Variants in FUT2 observed in about 807,000 individuals in gnomAD.
FUT2 encodes fucosyltransferase 2 (H blood group), also known as galactoside alpha-(1,2)-fucosyltransferase 2.
For synonymous variants in FUT2, 182 were observed against 193.1 expected (o/e 0.94, Z 0.48); for missense variants, 419 against 465.8 (o/e 0.90, Z 0.93).
chr19:48,704,129 C>A lies in FUT2; in HGVS notation c.*141C>A. 1 of 869,884 alleles carries A rather than the reference C, an allele frequency of 1.1e-6. No homozygotes were observed. The highest frequency in any genetic ancestry group is 2.6e-5 in the East Asian group (1 of 38,660). The allele number at this position is 869,884 out of a possible 1,614,324, so 53.9% of individuals were successfully genotyped here. ...GTTGGGCTGCAAGTAACAGAAATCT[C>A]AGTGAACAGTGGCCTGGCGTGGTGG... is the stretch of plus-strand genomic sequence containing the variant. On this transcript the variant is annotated 3_prime_UTR_variant, in exon 2 of 2. Coordinates refer to ENST00000425340, the MANE Select transcript of FUT2 (RefSeq NM_000511.6).
In FUT2 at chr19:48,703,440, C is replaced by G. The variant is rs1272435860; in HGVS notation, c.484C>G (p.Gln162Glu). The G allele has an allele frequency of 3.1e-6, 5 of 1,612,800 alleles. No individual in the cohort carries two copies. In the African/African-American group the frequency reaches 6.7e-5, roughly 22 times the overall value. The part of the protein sequence containing the change: ...CSWTFYHHLR[Q>E]EILQEFTLHD... Reference sequence around the variant, plus strand: ...CTGGACCTTCTACCACCACCTCCGCCAGGAGATCCTCCAGGAGTTCACCCT... The same window carrying G: ...CTGGACCTTCTACCACCACCTCCGCGAGGAGATCCTCCAGGAGTTCACCCT... Residue 162 changes from glutamine (Q) to glutamate (E), a missense_variant, in exon 2 of 2, where the codon CAG (glutamine) becomes GAG (glutamate). Gln to Glu is a conservative substitution (Grantham distance 29). Transcript: ENST00000425340.
chr19:48,699,345 G>A (rs1568460686), intron 1 of FUT2, among the ~76,000 whole-genome samples: 2 of 152,042 alleles, frequency 1.3e-5, no homozygotes, highest in East Asian at 2.0e-4. Context: ...TTACAGGTGC[G>A]CGCCACCATG....
Position 48,704,539 on chromosome 19 carries a change from C to G in FUT2, c.*551C>G, listed in dbSNP as rs2032601354. Reference sequence around the variant, plus strand: ...TCCAGGGTCAGTTAATTTAGCGGCTCCACAAAGTCATCAGTCACCTGAGCT... The same window carrying G: ...TCCAGGGTCAGTTAATTTAGCGGCTGCACAAAGTCATCAGTCACCTGAGCT... On this transcript the variant is annotated 3_prime_UTR_variant, in exon 2 of 2. Coordinates refer to ENST00000425340, the MANE Select transcript of FUT2 (RefSeq NM_000511.6). 1 of 423,144 alleles carries G rather than the reference C, an allele frequency of 2.4e-6. No individual in the cohort carries two copies. The highest frequency in any genetic ancestry group is 4.0e-5 in the Admixed American group (1 of 25,298). 26.2% of individuals were successfully genotyped at this position (423,144 alleles called of 1,614,324 possible). A position where few individuals can be genotyped will look rare whatever the true frequency, so the allele number is the denominator to read the frequency against.
intron 1 of FUT2, among the ~76,000 whole-genome samples, chr19:48,700,516 A>G (rs2032495757): frequency 6.6e-6 from 1 of 151,768 alleles, no homozygotes; most frequent in African/African-American, 2.4e-5. Context: ...TATTTTTAGT[A>G]GAGACGGGGT....
In FUT2 at chr19:48,704,120, C is replaced by G; in HGVS notation, c.*132C>G. The G allele has an allele frequency of 1.1e-6, 1 of 908,398 alleles. No homozygotes were observed. The highest frequency in any genetic ancestry group is 1.8e-6 in the Non-Finnish European group (1 of 560,284). The allele number at this position is 908,398 out of a possible 1,614,324, so 56.3% of individuals were successfully genotyped here. ...TGAAGATGCGTTGGGCTGCAAGTAACAGAAATCTCAGTGAACAGTGGCCTG... is the reference window on the plus strand; with the variant it reads ...TGAAGATGCGTTGGGCTGCAAGTAAGAGAAATCTCAGTGAACAGTGGCCTG... On this transcript the variant is annotated 3_prime_UTR_variant, in exon 2 of 2. Transcript: ENST00000425340.
Position 48,704,953 on chromosome 19 carries a change from A to G in FUT2, c.*965A>G, listed in dbSNP as rs188167052. 209 of 411,778 alleles carry G rather than the reference A, an allele frequency of 5.1e-4. 2 individuals are homozygous for G. The highest frequency in any genetic ancestry group is 3.8e-3 in the African/African-American group (185 of 48,642). 25.5% of individuals were successfully genotyped at this position (411,778 alleles called of 1,614,324 possible). On this transcript the variant is annotated 3_prime_UTR_variant, in exon 2 of 2. Coordinates refer to ENST00000425340, the MANE Select transcript of FUT2 (RefSeq NM_000511.6). ...GAAATGGCTTTAGAGTAGACAACAG[A>G]GATGCCCTGAGGGGTTGTGTAGGTT...
intron 1 of FUT2, among the ~76,000 whole-genome samples, chr19:48,699,247 G>A (rs1453881082): frequency 2.6e-5 from 4 of 151,976 alleles, no homozygotes; most frequent in African/African-American, 9.7e-5. Flanking sequence ...AGGCTGGAGT[G>A]CAGTGGCGCG....
intron 1 of FUT2, among the ~76,000 whole-genome samples, chr19:48,698,925 C>G (rs1397505662): frequency 1.3e-5 from 2 of 151,902 alleles, no homozygotes. Context: ...CTCTCTGTGT[C>G]TTCTGGTCTT....
rs750797423 is a variant in FUT2, at chr19:48,703,788, C to T, written c.832C>T (p.Leu278Phe). The change falls in exon 2 of 2, where the codon CTC (leucine) becomes TTC (phenylalanine). Residue 278 changes from leucine to phenylalanine, a missense_variant. Leu to Phe is a conservative substitution (Grantham distance 22, BLOSUM62 0). Coordinates refer to ENST00000425340, the MANE Select transcript of FUT2 (RefSeq NM_000511.6). ...CTCACCTGCCAAAGATTTTGCTCTA[C>T]TCACACAGTGTAACCACACCATCAT... is the stretch of plus-strand genomic sequence containing the variant. ...EGSPAKDFAL[L>F]TQCNHTIMTI... 6.2e-6 allele frequency: 10 copies of T among 1,613,634 alleles called. No individual in the cohort carries two copies. The highest frequency in any genetic ancestry group is 2.2e-5 in the East Asian group (1 of 44,880).
chr19:48,705,111 CTTTTTTTTTT>C lies in FUT2; in HGVS notation c.*1131_*1140del, dbSNP rs764196118. The C allele has an allele frequency of 0.015, 2,021 of 139,142 alleles. 110 individuals are homozygous for C. The highest frequency in any genetic ancestry group is 0.022 in the Non-Finnish European group (1,488 of 68,964). The allele number at this position is 139,142 out of a possible 1,614,324, so 8.6% of individuals were successfully genotyped here. The stretch of plus-strand genomic sequence containing the variant: ...CACTGTTTTCTTTTCTTTTTCTTTT[CTTTTTTTTTT>C]TTTTTTTGAGATGGAGTCTTGCTGC... On this transcript the variant is annotated 3_prime_UTR_variant, in exon 2 of 2. Transcript: ENST00000425340.
At position 48,703,097 on chromosome 19, in the gene FUT2, G is replaced by T. The variant is rs1382255761; in HGVS notation, c.141G>T (p.Val47=). Residue 47 remains valine (V), a synonymous_variant, in exon 2 of 2, where the codon GTG becomes GTT. Coordinates refer to ENST00000425340, the MANE Select transcript of FUT2 (RefSeq NM_000511.6). ...GGGAGTTACCGGTGCAGATACCAGT[G>T]CTAGCCTCAACATCAAAGGCACTGG... ...AMWELPVQIP[V]LASTSKALGP... The T allele has an allele frequency of 6.2e-7, 1 of 1,613,436 alleles. No homozygotes were observed. The highest frequency in any genetic ancestry group is 1.1e-5 in the South Asian group (1 of 90,656).
intron 1 of FUT2, among the ~76,000 whole-genome samples, chr19:48,702,169 G>A (rs183358059): frequency 5.4e-4 from 82 of 152,108 alleles, no homozygotes; most frequent in Non-Finnish European, 7.4e-4. Context: ...GGGAGGCCAA[G>A]GTGGGAAGAT....
chr19:48,696,425 G>T (rs2032411977), intron 1 of FUT2: 2 of 152,414 alleles, frequency 1.3e-5, no homozygotes, highest in Admixed American at 6.5e-5. Flanking sequence ...GAACCACCCT[G>T]GCAGTAATGG....
In FUT2 at chr19:48,703,819, T is replaced by C. The variant is rs747616680; in HGVS notation, c.863T>C (p.Ile288Thr). ...CAGTGTAACCACACCATCATGACCA[T>C]TGGGACGTTCGGGATCTGGGCCGCA... ...LTQCNHTIMT[I>T]GTFGIWAAYL... Residue 288 changes from isoleucine (I) to threonine (T), a missense_variant, in exon 2 of 2, where the codon ATT becomes ACT. Coordinates refer to ENST00000425340, the MANE Select transcript of FUT2 (RefSeq NM_000511.6). The C allele has an allele frequency of 8.1e-6, 13 of 1,613,482 alleles. No individual in the cohort carries two copies. The highest frequency in any genetic ancestry group is 5.0e-5 in the Admixed American group (3 of 59,978).
At chr19:48,699,143 G>C (rs1432804450) in intron 1 of FUT2, among the ~76,000 whole-genome samples, 1 of 151,942 alleles carries the variant, frequency 6.6e-6, no homozygotes, top group Non-Finnish European at 1.5e-5. Context: ...TGTTGACATG[G>C]GAGCCTTCAG....
At position 48,702,883 on chromosome 19, in the gene FUT2, G is replaced by A. The variant is rs1454164323; in HGVS notation, c.-2-72G>A. 106 of 1,416,310 alleles carry A rather than the reference G, an allele frequency of 7.5e-5. 7 individuals are homozygous for A. In the South Asian group the frequency reaches 8.1e-4, roughly 11 times the overall value. 87.7% of individuals were successfully genotyped at this position (1,416,310 alleles called of 1,614,324 possible). ...ACCCACACTATGCCTGCACACCACC[G>A]CATGGCCACGTTCACCAGCGCCCCG... On this transcript the variant is annotated intron_variant, in intron 1 of 1. Transcript: ENST00000425340.
rs376670205 is a variant in FUT2, at chr19:48,703,026, A to G, written c.70A>G (p.Thr24Ala). The G allele has an allele frequency of 5.6e-6, 9 of 1,612,712 alleles. 1 individual carries two copies. The highest frequency in any genetic ancestry group is 2.2e-5 in the East Asian group (1 of 44,734). Residue 24 changes from threonine (T) to alanine (A), a missense_variant, in exon 2 of 2, where the codon ACT becomes GCT. Transcript: ENST00000425340. Reference sequence around the variant, plus strand: ...CATCCTCTTTGTCTTTACGGTTTCCACTATATTTCACGTTCAGCAGCGGCT... The same window carrying G: ...CATCCTCTTTGTCTTTACGGTTTCCGCTATATTTCACGTTCAGCAGCGGCT... ...HFILFVFTVSTIFHVQQRLAK... is the reference protein window; with the variant it reads ...HFILFVFTVSAIFHVQQRLAK...
chr19:48,700,019 G>T (rs1006480322), intron 1 of FUT2, among the ~76,000 whole-genome samples: 3 of 151,360 alleles, frequency 2.0e-5, no homozygotes, highest in Non-Finnish European at 2.9e-5. Context: ...CAGGTGTGGT[G>T]GTGCACACCT....
At chr19:48,700,333 ATT>A (rs537772251) in intron 1 of FUT2, among the ~76,000 whole-genome samples, 1 of 145,216 alleles carries the variant, frequency 6.9e-6, no homozygotes. Context: ...ATTTTATTTT[ATT>A]TTTTTTTTTG....
Sources: gnomAD v4.1 joint callset for allele counts (sites outside exome capture counted in the v4.1 genomes callset) on GRCh38, gnomAD v4.1.1 for gene constraint, MANE v1.5 for transcripts, NCBI Gene and HGNC (gene_info 2026-07-23, HGNC 2026-07-21) for gene names.